GRM5: variants seen among roughly 807,000 people sequenced by gnomAD.
The protein encoded by GRM5 is metabotropic glutamate receptor 5.
Under a neutral mutation model 83.1 loss-of-function variants are expected in GRM5, and 19 were observed. The ratio of observed to expected loss-of-function variants is 0.23; its 90% confidence interval spans 0.16 to 0.34. GRM5 has a LOEUF of 0.34. Ranked by LOEUF, GRM5 falls within the 10% of genes least tolerant of loss-of-function variation. The pLI, the probability that GRM5 is intolerant of heterozygous loss-of-function variation, is 1.00. For missense variants in GRM5, 1,160 were observed against 1,588.3 expected, an observed-to-expected ratio of 0.73 and a Z score of 4.58; for synonymous variants, 675 against 633.6, an observed-to-expected ratio of 1.07 and a Z score of -0.98.
intron 8 of GRM5, among the ~76,000 whole-genome samples, chr11:88,565,043 T>C (rs1942844851): frequency 6.6e-6 from 1 of 151,276 alleles, no homozygotes; most frequent in South Asian, 2.1e-4. Flanking sequence ...AAGGGCTTAC[T>C]ATGTGGCAGA....
At chr11:88,924,712 A>G (rs1266130235) in intron 2 of GRM5, among the ~76,000 whole-genome samples, 1 of 151,976 alleles carries the variant, frequency 6.6e-6, no homozygotes, top group Non-Finnish European at 1.5e-5. Context: ...CGTAAAATGA[A>G]TAAGTTTAGA....
chr11:89,009,170 T>A, intron 2 of GRM5: 1 of 672,778 alleles, frequency 1.5e-6, no homozygotes, highest in Non-Finnish European at 2.7e-6. Context: ...TTTAAGTGTA[T>A]AAATGAATAA....
intron 8 of GRM5, among the ~76,000 whole-genome samples, chr11:88,554,733 T>C (rs957908907): frequency 4.6e-5 from 7 of 152,128 alleles, no homozygotes; most frequent in African/African-American, 1.7e-4. Flanking sequence ...CATTGGCTCC[T>C]AGTGAGGTGA....
intron 4 of GRM5, among the ~76,000 whole-genome samples, chr11:88,650,325 T>A (rs764182639): frequency 3.3e-5 from 5 of 151,962 alleles, no homozygotes; most frequent in Non-Finnish European, 7.4e-5. Flanking sequence ...AGGACTCATG[T>A]CCATACTATA....
chr11:88,963,204 G>T (rs1266253236), intron 2 of GRM5, among the ~76,000 whole-genome samples: 1 of 152,186 alleles, frequency 6.6e-6, no homozygotes, highest in Non-Finnish European at 1.5e-5. Context: ...AAACATTTCA[G>T]ACAATGGGAA....
chr11:88,996,922 T>C (rs1200804986), intron 2 of GRM5, among the ~76,000 whole-genome samples: 1 of 152,214 alleles, frequency 6.6e-6, no homozygotes, highest in Non-Finnish European at 1.5e-5. Flanking sequence ...AGTATCAAGA[T>C]AGAACTTTTT....
chr11:88,951,785 T>C (rs1406592240), intron 2 of GRM5, among the ~76,000 whole-genome samples: 1 of 152,240 alleles, frequency 6.6e-6, no homozygotes, highest in African/African-American at 2.4e-5. Context: ...GCATAATAAA[T>C]GTCATCATAG....
intron 4 of GRM5, among the ~76,000 whole-genome samples, chr11:88,620,275 G>A (rs997700497): frequency 5.3e-5 from 8 of 152,130 alleles, no homozygotes; most frequent in African/African-American, 9.7e-5. Context: ...CTTAGACTAG[G>A]CAATCCATTT....
At chr11:89,062,852 G>A (rs1319519008) in intron 1 of GRM5, among the ~76,000 whole-genome samples, 1 of 152,236 alleles carries the variant, frequency 6.6e-6, no homozygotes, top group Non-Finnish European at 1.5e-5. Context: ...TCCCTAAGTC[G>A]CTGTAGCCTG....
rs775469607 is a variant in GRM5 at position 88,653,452 on chromosome 11, C to A, written c.912-49G>T. The A allele has an allele frequency of 5.7e-6, 7 of 1,226,298 alleles. No homozygotes were observed. The East Asian group carries it at 1.6e-4, about 29-fold the overall frequency. The allele number at this position is 1,226,298 out of a possible 1,614,324, so 76.0% of individuals were successfully genotyped here. A position where few individuals can be genotyped will look rare whatever the true frequency, so the allele number is the denominator to read the frequency against. The stretch of plus-strand genomic sequence containing the variant: ...CAGCTTAGAACAGATATCTCCTAAG[C>A]AAATGAGTCCATTTGCTTTCCTTTT... On this transcript the variant is annotated intron_variant, in intron 3 of 9. Coordinates refer to ENST00000305447, the MANE Select transcript of GRM5 (RefSeq NM_001143831.3).
At chr11:89,036,178 G>A (rs1941380051) in intron 2 of GRM5, among the ~76,000 whole-genome samples, 1 of 152,018 alleles carries the variant, frequency 6.6e-6, no homozygotes, top group Non-Finnish European at 1.5e-5. Context: ...GAACTGTCCA[G>A]GCCTTGCTCA....
chr11:88,880,321 T>C (rs541985450), intron 2 of GRM5, among the ~76,000 whole-genome samples: 17 of 152,266 alleles, frequency 1.1e-4, no homozygotes, highest in Middle Eastern at 6.8e-3. Flanking sequence ...ATTGCAAATA[T>C]GCATTGAAGA....
Position 88,572,686 on chromosome 11 carries a change from C to T in GRM5, c.1691-4694G>A, listed in dbSNP as rs371333563. Among the ~76,000 whole-genome samples, 8 of 152,206 alleles carry T rather than the reference C, an allele frequency of 5.3e-5. No homozygotes were observed. The East Asian group carries it at 1.4e-3, about 26-fold the overall frequency. Reference sequence around the variant, plus strand: ...GTGATAACTACCCTTACTATGTACACAGTTGTACAAATATCTGTGTAGTTA... The same window carrying T: ...GTGATAACTACCCTTACTATGTACATAGTTGTACAAATATCTGTGTAGTTA... On this transcript the variant is annotated intron_variant, in intron 7 of 9. Transcript: ENST00000305447.
At chr11:88,560,549 T>C (rs1298295051) in intron 8 of GRM5, among the ~76,000 whole-genome samples, 3 of 152,118 alleles carry the variant, frequency 2.0e-5, no homozygotes, top group Non-Finnish European at 4.4e-5. Context: ...AAGAAAGCAT[T>C]TTTTTTCTTA....
rs140612400 is a variant in GRM5 at position 88,603,104 on chromosome 11, G to T, written c.1394+1614C>A. Among the ~76,000 whole-genome samples, 175 of 152,222 alleles carry T rather than the reference G, an allele frequency of 1.1e-3. 1 individual carries two copies. In the Middle Eastern group the frequency reaches 0.014, roughly 12 times the overall value. ...TAAGTATGTTGTTCTTGAAAGAATA[G>T]CTATACATTTTGTCTGAGTCTTGAA... On this transcript the variant is annotated intron_variant, in intron 5 of 9. Coordinates refer to ENST00000305447, the MANE Select transcript of GRM5 (RefSeq NM_001143831.3).
chr11:88,931,435 C>A (rs1937701721), intron 2 of GRM5, among the ~76,000 whole-genome samples: 1 of 23,892 alleles, frequency 4.2e-5, no homozygotes, highest in African/African-American at 9.7e-5. Flanking sequence ...TTGAAAGAAC[C>A]AAAGTAAAAA....
At chr11:88,858,136 A>T (rs1367780789) in intron 2 of GRM5, among the ~76,000 whole-genome samples, 1 of 150,926 alleles carries the variant, frequency 6.6e-6, no homozygotes, top group Non-Finnish European at 1.5e-5. Context: ...GGCATTATTG[A>T]ATCTCATCCA....
chr11:88,792,427 T>A (rs1474825839), intron 3 of GRM5, among the ~76,000 whole-genome samples: 3 of 152,118 alleles, frequency 2.0e-5, no homozygotes, highest in Non-Finnish European at 2.9e-5. Context: ...TATGTGGTAA[T>A]GTGGTGACCA....
chr11:88,757,091 A>T (rs1311953715), intron 3 of GRM5, among the ~76,000 whole-genome samples: 1 of 152,138 alleles, frequency 6.6e-6, no homozygotes, highest in Non-Finnish European at 1.5e-5. Flanking sequence ...ATATGAACAG[A>T]TTTTTCCTCC....
Sources: allele counts gnomAD v4.1 joint callset (sites outside exome capture counted in the v4.1 genomes callset), GRCh38; gene constraint gnomAD v4.1.1; transcripts MANE v1.5; gene names NCBI Gene and HGNC (gene_info 2026-07-23, HGNC 2026-07-21).